TMEM132C: variants seen among roughly 807,000 people sequenced by gnomAD.
TMEM132C encodes the protein protein phosphatase 1, regulatory subunit 152.
TMEM132C carries 29 observed loss-of-function variants against 61.4 expected under a neutral mutation model. The ratio of observed to expected loss-of-function variants is 0.47; its 90% CI spans 0.35 to 0.64. The LOEUF (loss-of-function observed/expected upper bound fraction) is 0.64. TMEM132C is among the 30% of genes least tolerant of loss of function. The pLI, the probability that TMEM132C is intolerant of heterozygous loss-of-function variation, is 0.00. For missense variants in TMEM132C, 1,408 were observed against 1,476.9 expected, an observed-to-expected ratio of 0.95 and a Z score of 0.76; for synonymous variants, 656 against 633.1, an observed-to-expected ratio of 1.04 and a Z score of -0.54.
chr12:128,467,207 G>A (rs566838996), intron 2 of TMEM132C, among the ~76,000 whole-genome samples: 2 of 152,292 alleles, frequency 1.3e-5, no homozygotes, highest in Admixed American at 6.5e-5. Flanking sequence ...CTCAGACTCC[G>A]GGTATGTTGG....
intron 2 of TMEM132C, among the ~76,000 whole-genome samples, chr12:128,496,017 G>C (rs1041549281): frequency 2.0e-5 from 3 of 151,974 alleles, no homozygotes; most frequent in African/African-American, 7.2e-5. Flanking sequence ...AGCTCTTTTA[G>C]GACAGGCCTG....
intron 4 of TMEM132C, among the ~76,000 whole-genome samples, chr12:128,624,031 A>G (rs1953991561): frequency 6.6e-6 from 1 of 152,196 alleles, no homozygotes; most frequent in African/African-American, 2.4e-5. Flanking sequence ...ACACCATGCC[A>G]CAGTGTTGAT....
intron 1 of TMEM132C, among the ~76,000 whole-genome samples, chr12:128,350,654 T>C (rs1455029317): frequency 6.6e-6 from 1 of 152,008 alleles, no homozygotes; most frequent in Non-Finnish European, 1.5e-5. Flanking sequence ...CCTCTTCATG[T>C]GGTCCAGGCA....
intron 2 of TMEM132C, among the ~76,000 whole-genome samples, chr12:128,502,507 A>C (rs949347373): frequency 4.6e-5 from 7 of 152,208 alleles, no homozygotes; most frequent in African/African-American, 1.7e-4. Flanking sequence ...ACATTGGCAG[A>C]GATCATCACC....
chr12:128,634,448 T>C (rs1287737013), intron 4 of TMEM132C, among the ~76,000 whole-genome samples: 1 of 152,272 alleles, frequency 6.6e-6, no homozygotes, highest in African/African-American at 2.4e-5. Context: ...CTTCTCTATC[T>C]GAGGACAGAT....
chr12:128,523,781 C>T (rs571484178), intron 2 of TMEM132C, among the ~76,000 whole-genome samples: 75 of 137,810 alleles, frequency 5.4e-4, no homozygotes, highest in African/African-American at 1.9e-3. Flanking sequence ...AGGAGGATTG[C>T]TTGAGCCCAG....
intron 2 of TMEM132C, among the ~76,000 whole-genome samples, chr12:128,469,055 G>A (rs1287689864): frequency 2.0e-5 from 3 of 152,048 alleles, no homozygotes; most frequent in African/African-American, 4.8e-5. Flanking sequence ...CAACCATACC[G>A]CTTGGTTGAA....
chr12:128,626,784 A>G (rs1954021521), intron 4 of TMEM132C, among the ~76,000 whole-genome samples: 1 of 152,160 alleles, frequency 6.6e-6, no homozygotes, highest in African/African-American at 2.4e-5. Context: ...CTGTGTGAGC[A>G]CACATATCTT....
In TMEM132C at chr12:128,653,590, A is replaced by C. The variant is rs191479679; in HGVS notation, c.1306-15827A>C. Among the ~76,000 whole-genome samples, 905 of 152,222 alleles carry C rather than the reference A, an allele frequency of 5.9e-3. 14 individuals are homozygous for C. Among genetic ancestry groups the C allele is most frequent in the Non-Finnish European group, 7.0e-3 (475 of 68,004 alleles). Reference sequence around the variant, plus strand: ...GGCTCCCCTCCTGACCTCCATACTTAGTAGCTGCCAGTTCTTGAGCTAGTT... The same window carrying C: ...GGCTCCCCTCCTGACCTCCATACTTCGTAGCTGCCAGTTCTTGAGCTAGTT... On this transcript the variant is annotated intron_variant, in intron 4 of 8. Coordinates refer to ENST00000435159, the MANE Select transcript of TMEM132C (RefSeq NM_001136103.3).
intron 2 of TMEM132C, among the ~76,000 whole-genome samples, chr12:128,489,467 G>A (rs1871630600): frequency 6.6e-6 from 1 of 151,736 alleles, no homozygotes; most frequent in Non-Finnish European, 1.5e-5. Context: ...TGAGATGGAG[G>A]TTGAACTGAG....
chr12:128,528,989 T>G (rs1873189039), intron 2 of TMEM132C, among the ~76,000 whole-genome samples: 1 of 152,198 alleles, frequency 6.6e-6, no homozygotes, highest in African/African-American at 2.4e-5. Context: ...TTTTGGCCCT[T>G]TCCAGAATGG....
chr12:128,657,767 G>A (rs1954341312), intron 4 of TMEM132C, among the ~76,000 whole-genome samples: 1 of 152,196 alleles, frequency 6.6e-6, no homozygotes, highest in Admixed American at 6.5e-5. Flanking sequence ...TATTGGTCTG[G>A]TGCAGCTACA....
intron 6 of TMEM132C, among the ~76,000 whole-genome samples, chr12:128,694,352 C>T (rs879057939): frequency 6.6e-6 from 1 of 151,634 alleles, no homozygotes; most frequent in Non-Finnish European, 1.5e-5. Flanking sequence ...TTATTTTCTC[C>T]AAAAAAAAGT....
intron 2 of TMEM132C, among the ~76,000 whole-genome samples, chr12:128,517,236 A>ATAAATAAC (rs1872748792): frequency 1.1e-5 from 1 of 94,868 alleles, no homozygotes; most frequent in Admixed American, 9.6e-5. Context: ...GTCTCAACAA[A>ATAAATAAC]TAAATAAATA....
intron 1 of TMEM132C, among the ~76,000 whole-genome samples, chr12:128,388,560 G>A (rs1874663512): frequency 5.3e-5 from 8 of 152,142 alleles, no homozygotes; most frequent in Admixed American, 5.2e-4. Context: ...CTGCTTCCCT[G>A]GAGAAGGTGT....
At chr12:128,307,770 T>C (rs1322833783) in intron 1 of TMEM132C, among the ~76,000 whole-genome samples, 2 of 152,252 alleles carry the variant, frequency 1.3e-5, no homozygotes, top group East Asian at 3.9e-4. Flanking sequence ...GTCATCGTAT[T>C]GCATGACTCT....
At chr12:128,601,420 C>T (rs1277902141) in intron 3 of TMEM132C, among the ~76,000 whole-genome samples, 1 of 152,190 alleles carries the variant, frequency 6.6e-6, no homozygotes, top group Non-Finnish European at 1.5e-5. Flanking sequence ...GAGGCGATCA[C>T]GGGGAGTAGA....
chr12:128,550,388 G>C (rs1593096787), intron 3 of TMEM132C, among the ~76,000 whole-genome samples: 1 of 151,534 alleles, frequency 6.6e-6, no homozygotes, highest in Non-Finnish European at 1.5e-5. Flanking sequence ...CTGTAGCCTT[G>C]ACTTCCTGGG....
chr12:128,285,750 C>G (rs1349735947), intron 1 of TMEM132C, among the ~76,000 whole-genome samples: 1 of 74,338 alleles, frequency 1.3e-5, no homozygotes, highest in Admixed American at 1.5e-4. Flanking sequence ...CATCTCTATC[C>G]CTCTCTCCCT....
Sources: allele counts gnomAD v4.1 joint callset (sites outside exome capture counted in the v4.1 genomes callset), GRCh38; gene constraint gnomAD v4.1.1; transcripts MANE v1.5; gene names NCBI Gene and HGNC (gene_info 2026-07-23, HGNC 2026-07-21).